The following ENTREP2 variants were observed in gnomAD, a reference collection of about 807,000 sequenced individuals.
ENTREP2 encodes the protein endosomal transmembrane epsin interactor 2.
At chr15:29,444,367 G>A in the ENTREP2 span, among the ~76,000 whole-genome samples, 5 of 152,094 alleles carry the variant, frequency 3.3e-5, no homozygotes, top group East Asian at 3.9e-4. Context: ...TGCGGGGTGC[G>A]GGATAAAAAG....
the ENTREP2 span, among the ~76,000 whole-genome samples, chr15:29,381,358 G>T: frequency 6.7e-6 from 1 of 149,072 alleles, no homozygotes; most frequent in Non-Finnish European, 1.5e-5. Context: ...TCAGGAGGCT[G>T]AGGCAGAGAA....
chr15:29,240,300 G>T, the ENTREP2 span, among the ~76,000 whole-genome samples: 1 of 151,832 alleles, frequency 6.6e-6, no homozygotes. Flanking sequence ...GGAGGCGGAG[G>T]TTGCAGTGAG....
At chr15:29,406,793 C>G in the ENTREP2 span, among the ~76,000 whole-genome samples, 1 of 152,114 alleles carries the variant, frequency 6.6e-6, no homozygotes, top group African/African-American at 2.4e-5. Context: ...CTCCAACACA[C>G]AGCAGACACA....
chr15:29,159,471 C>T, the ENTREP2 span, among the ~76,000 whole-genome samples: 1 of 152,046 alleles, frequency 6.6e-6, no homozygotes, highest in African/African-American at 2.4e-5. Flanking sequence ...GCTTGGGCAG[C>T]CTGCTTTTAT....
At chr15:29,229,909 A>G in the ENTREP2 span, among the ~76,000 whole-genome samples, 1 of 151,998 alleles carries the variant, frequency 6.6e-6, no homozygotes. Flanking sequence ...CAGCCATCCA[A>G]CCATCTGTGA....
the ENTREP2 span, among the ~76,000 whole-genome samples, chr15:29,222,325 T>A: frequency 1.3e-5 from 2 of 152,068 alleles, no homozygotes; most frequent in Non-Finnish European, 2.9e-5. Flanking sequence ...GCATGAATAA[T>A]CCTCCCCTTG....
the ENTREP2 span, chr15:29,609,726 C>A: frequency 3.3e-5 from 5 of 150,246 alleles, no homozygotes; most frequent in East Asian, 1.0e-3. Flanking sequence ...GATATTCAGT[C>A]ATTGCAGCAC....
chr15:29,499,509 G>A, the ENTREP2 span, among the ~76,000 whole-genome samples: 7 of 151,736 alleles, frequency 4.6e-5, no homozygotes, highest in East Asian at 1.4e-3. Flanking sequence ...AGCCTCCTGG[G>A]TACCTAGGAC....
the ENTREP2 span, among the ~76,000 whole-genome samples, chr15:29,472,338 T>C: frequency 1.3e-5 from 2 of 151,546 alleles, no homozygotes; most frequent in Admixed American, 6.6e-5. Flanking sequence ...AAACCCACCT[T>C]AAAAATGGCA....
the ENTREP2 span, among the ~76,000 whole-genome samples, chr15:29,655,824 GA>G: frequency 6.6e-6 from 1 of 152,080 alleles, no homozygotes; most frequent in Non-Finnish European, 1.5e-5. Context: ...CCAGGAGTTT[GA>G]CACCACCTGG....
chr15:29,364,770 G>A, the ENTREP2 span, among the ~76,000 whole-genome samples: 3 of 151,878 alleles, frequency 2.0e-5, no homozygotes, highest in Admixed American at 2.0e-4. Flanking sequence ...TTTATTTTTA[G>A]AACAGTTTTA....
At chr15:29,534,033 G>A in the ENTREP2 span, among the ~76,000 whole-genome samples, 1 of 138,840 alleles carries the variant, frequency 7.2e-6, no homozygotes, top group South Asian at 2.3e-4. Context: ...AACGATATGT[G>A]ACCCACAGAA....
the ENTREP2 span, among the ~76,000 whole-genome samples, chr15:29,404,961 C>T: frequency 1.1e-4 from 16 of 152,276 alleles, no homozygotes; most frequent in African/African-American, 3.8e-4. Context: ...GGCCCCGGCC[C>T]CCAGTTCCTC....
chr15:29,460,495 G>A, the ENTREP2 span, among the ~76,000 whole-genome samples: 60 of 152,016 alleles, frequency 3.9e-4, no homozygotes, highest in Non-Finnish European at 7.4e-4. Flanking sequence ...AGCCCGGCAC[G>A]GTGGCGCGTG....
chr15:29,614,918 AAAAG>A, the ENTREP2 span, among the ~76,000 whole-genome samples: 4 of 152,208 alleles, frequency 2.6e-5, no homozygotes, highest in African/African-American at 9.6e-5. Context: ...ACAATAAAAA[AAAAG>A]AAAGAAGTTA....
At chr15:29,214,807 C>A in the ENTREP2 span, among the ~76,000 whole-genome samples, 15 of 151,860 alleles carry the variant, frequency 9.9e-5, no homozygotes, top group East Asian at 2.9e-3. Flanking sequence ...GGTCTAAGTG[C>A]TTGATACAAT....
At chr15:29,559,799 G>A in the ENTREP2 span, among the ~76,000 whole-genome samples, 6 of 152,092 alleles carry the variant, frequency 3.9e-5, no homozygotes, top group South Asian at 2.1e-4. Context: ...ATCCTTAACC[G>A]AATCACATCC....
chr15:29,143,564 C>T, the ENTREP2 span, among the ~76,000 whole-genome samples: 8 of 152,256 alleles, frequency 5.3e-5, no homozygotes, highest in Admixed American at 4.6e-4. Flanking sequence ...AGAGAAGGGC[C>T]GTGGGGGCTG....
chr15:29,569,459 TTA>T, the ENTREP2 span: 5 of 41,792 alleles, frequency 1.2e-4, no homozygotes, highest in Admixed American at 1.2e-3. Context: ...AACATTAGTT[TTA>T]AAGGATTGGT....
Sources: gnomAD v4.1 joint callset for allele counts (sites outside exome capture counted in the v4.1 genomes callset) on GRCh38, gnomAD v4.1.1 for gene constraint, MANE v1.5 for transcripts, NCBI Gene and HGNC (gene_info 2026-07-23, HGNC 2026-07-21) for gene names.